The following DENND4A variants were observed in gnomAD, a reference collection of about 807,000 sequenced individuals.
DENND4A encodes the protein DENN domain containing 4A.
Under a neutral mutation model 199.3 loss-of-function variants are expected in DENND4A, and 70 were observed. That is an observed-to-expected ratio of 0.35 (90% CI 0.29 to 0.43). DENND4A has a LOEUF of 0.43. Ranked by LOEUF, DENND4A falls within the 20% of genes least tolerant of loss-of-function variation. The pLI, the probability that DENND4A is intolerant of heterozygous loss-of-function variation, is 1.00. For synonymous variants in DENND4A, 686 were observed against 766.9 expected (o/e 0.89, Z 1.74); for missense variants, 1,723 against 2,255.8 (o/e 0.76, Z 4.78).
In DENND4A at chr15:65,669,238, T is replaced by G. The variant is rs1373924158; in HGVS notation, c.4787+541A>C. ...ACATGCAGCTACCAATATGGCTTCA[T>G]CTGTCCAGCTATATATGGCTTATTT... On this transcript the variant is annotated intron_variant, in intron 27 of 32. Transcript: ENST00000443035. 3.9e-5 allele frequency among the ~76,000 whole-genome samples: 6 copies of G among 152,236 alleles called. No individual in the cohort carries two copies. In the East Asian group the frequency reaches 1.2e-3, roughly 29 times the overall value.
chr15:65,712,520 A>G (rs1201669237), intron 14 of DENND4A, among the ~76,000 whole-genome samples: 2 of 152,224 alleles, frequency 1.3e-5, no homozygotes, highest in East Asian at 3.8e-4. Context: ...CACAAGTATA[A>G]TAGTCAAGAT....
intron 29 of DENND4A, among the ~76,000 whole-genome samples, chr15:65,666,515 A>C (rs2076042983): frequency 1.3e-5 from 2 of 152,220 alleles, no homozygotes; most frequent in Admixed American, 1.3e-4. Flanking sequence ...TTCTTTCTGG[A>C]AGTTTCCACT....
At chr15:65,675,088 A>C (rs1458351714) in intron 24 of DENND4A, among the ~76,000 whole-genome samples, 2 of 152,228 alleles carry the variant, frequency 1.3e-5, no homozygotes, top group African/African-American at 4.8e-5. Context: ...TCCATTCTTC[A>C]TACCATTAAC....
At chr15:65,750,332 G>A (rs1349858384) in intron 4 of DENND4A, among the ~76,000 whole-genome samples, 1 of 152,104 alleles carries the variant, frequency 6.6e-6, no homozygotes, top group African/African-American at 2.4e-5. Flanking sequence ...GGGACTACTA[G>A]AGGGGGAAGA....
intron 23 of DENND4A, among the ~76,000 whole-genome samples, chr15:65,685,106 C>A (rs1213299782): frequency 1.3e-5 from 2 of 151,732 alleles, no homozygotes; most frequent in African/African-American, 4.8e-5. Flanking sequence ...AGATTACAGG[C>A]ATGAGCCACC....
chr15:65,669,479 T>C (rs538312136), intron 27 of DENND4A, among the ~76,000 whole-genome samples: 1 of 152,308 alleles, frequency 6.6e-6, no homozygotes, highest in South Asian at 2.1e-4. Flanking sequence ...AGAAAAAAGA[T>C]AGTCATTATA....
At position 65,732,837 on chromosome 15, in the gene DENND4A, T is replaced by C. The variant is rs757745115; in HGVS notation, c.1041-19A>G. On this transcript the variant is annotated intron_variant, in intron 7 of 32. Transcript: ENST00000443035. The stretch of plus-strand genomic sequence containing the variant: ...AATATGCCTTGAAAACAAACAAAAG[T>C]GTAAGTGATTCCAAAGTGAACGTCA... 8.8e-6 allele frequency: 13 copies of C among 1,479,856 alleles called. No individual in the cohort carries two copies. Among genetic ancestry groups the C allele is most frequent in the Non-Finnish European group, 1.1e-5 (12 of 1,064,376 alleles). 91.7% of individuals were successfully genotyped at this position (1,479,856 alleles called of 1,614,324 possible). A position where few individuals can be genotyped will look rare whatever the true frequency, so the allele number is the denominator to read the frequency against.
intron 17 of DENND4A, 106 bp downstream of exon 17, chr15:65,702,199 G>T (rs919879685): frequency 2.1e-6 from 2 of 955,142 alleles, no homozygotes; most frequent in South Asian, 3.1e-5. Context: ...AGCTCAAGAG[G>T]TTAAGACTGC....
In DENND4A at chr15:65,690,915, CTTT is replaced by C. The variant is rs756098267; in HGVS notation, c.3676_3678del (p.Lys1226del). The C allele has an allele frequency of 3.1e-6, 5 of 1,606,264 alleles. No individual in the cohort carries two copies. Among genetic ancestry groups the C allele is most frequent in the Admixed American group, 3.4e-5 (2 of 58,814 alleles). ...TCATCTTCATCCTCCTCCTCTTCTT[CTTT>C]TTGCTGCTGTTCAGTCTCAGCAACC... On this transcript the variant is annotated inframe_deletion, in exon 23 of 33. Transcript: ENST00000443035.
At chr15:65,726,014 T>A (rs2075795108) in intron 11 of DENND4A, 1 of 152,150 alleles carries the variant, frequency 6.6e-6, no homozygotes, top group African/African-American at 2.4e-5. Context: ...TGGCAAGAAT[T>A]CATGAGCACA....
chr15:65,774,415 A>G (rs2077222440), intron 1 of DENND4A, among the ~76,000 whole-genome samples: 1 of 152,170 alleles, frequency 6.6e-6, no homozygotes, highest in Non-Finnish European at 1.5e-5. Context: ...GCTTGAACCC[A>G]GGAGGTGGAG....
At chr15:65,764,492 G>T (rs1355145168) in intron 1 of DENND4A, among the ~76,000 whole-genome samples, 1 of 151,998 alleles carries the variant, frequency 6.6e-6, no homozygotes, top group South Asian at 2.1e-4. Context: ...TTAGCTGGGC[G>T]TGGAGGCATG....
At position 65,683,166 on chromosome 15, in the gene DENND4A, T is replaced by C. The variant is rs1011183808; in HGVS notation, c.4180-6532A>G. On this transcript the variant is annotated intron_variant, in intron 23 of 32. Coordinates refer to ENST00000443035, the MANE Select transcript of DENND4A (RefSeq NM_001320835.1). ...ATTTGTAAAAAGCATGACATTTGTG[T>C]AGAGCAGTAAAGCAAGTGCAATAAA... Among the ~76,000 whole-genome samples the C allele has an allele frequency of 2.0e-5, 3 of 152,224 alleles. No individual in the cohort carries two copies. The East Asian group carries it at 5.8e-4, about 29-fold the overall frequency.
intron 25 of DENND4A, among the ~76,000 whole-genome samples, chr15:65,671,271 T>C (rs1596391119): frequency 6.6e-6 from 1 of 152,228 alleles, no homozygotes; most frequent in African/African-American, 2.4e-5. Flanking sequence ...TCTGTCCTAA[T>C]AGAAATAAGT....
Position 65,756,608 on chromosome 15 carries a change from C to T in DENND4A, c.-22-136G>A, listed in dbSNP as rs542523870. 1.9e-5 allele frequency: 10 copies of T among 517,910 alleles called. No individual in the cohort carries two copies. In the Admixed American group the frequency reaches 2.6e-4, roughly 14 times the overall value. 32.1% of individuals were successfully genotyped at this position (517,910 alleles called of 1,614,324 possible). Reference sequence around the variant, plus strand: ...AAACACAGTAGCATTGTATATTTAACTTACATGTAAAAAGAATTTAACAAT... The same window carrying T: ...AAACACAGTAGCATTGTATATTTAATTTACATGTAAAAAGAATTTAACAAT... On this transcript the variant is annotated intron_variant, in intron 2 of 32. Transcript: ENST00000443035.
intron 1 of DENND4A, among the ~76,000 whole-genome samples, chr15:65,761,827 T>C (rs1404298866): frequency 1.3e-5 from 2 of 152,120 alleles, no homozygotes; most frequent in East Asian, 3.9e-4. Flanking sequence ...GAAAAATGTA[T>C]ACATTTAACA....
intron 7 of DENND4A, among the ~76,000 whole-genome samples, chr15:65,734,487 T>C (rs1428478518): frequency 2.0e-5 from 3 of 152,162 alleles, no homozygotes; most frequent in African/African-American, 7.2e-5. Flanking sequence ...GGATCCTCCA[T>C]ATGCTGAACG....
intron 1 of DENND4A, among the ~76,000 whole-genome samples, chr15:65,785,396 A>G (rs1196851728): frequency 2.7e-5 from 4 of 150,382 alleles, no homozygotes; most frequent in African/African-American, 9.8e-5. Flanking sequence ...AGGCTGTGGT[A>G]GGAGGATCAT....
chr15:65,713,347 C>T (rs1484240598), intron 14 of DENND4A, among the ~76,000 whole-genome samples: 1 of 152,184 alleles, frequency 6.6e-6, no homozygotes, highest in African/African-American at 2.4e-5. Flanking sequence ...ATAGGTCATA[C>T]ATTTTTGCAG....
Sources: allele counts gnomAD v4.1 joint callset (sites outside exome capture counted in the v4.1 genomes callset), GRCh38; gene constraint gnomAD v4.1.1; transcripts MANE v1.5; gene names NCBI Gene and HGNC (gene_info 2026-07-23, HGNC 2026-07-21).